ATF6: variants seen among roughly 807,000 people sequenced by gnomAD.
The protein encoded by ATF6 is activating transcription factor 6.
ATF6 carries 53 observed loss-of-function variants against 83.6 expected under a neutral mutation model. The ratio of observed to expected loss-of-function variants is 0.63; its 90% confidence interval spans 0.51 to 0.80. The LOEUF (loss-of-function observed/expected upper bound fraction) is 0.80, where lower values mean the gene tolerates loss of function less well. Among genes scored for constraint, ATF6 ranks in the 30% least tolerant of loss-of-function variants. The probability of loss-of-function intolerance (pLI) is 0.00; values close to 1 mark genes in which losing one functional copy is unlikely to be tolerated. For missense variants in ATF6, 744 were observed against 797.9 expected (o/e 0.93, Z 0.81); for synonymous variants, 288 against 285.8 (o/e 1.01, Z -0.08).
At position 161,853,318 on chromosome 1, in the gene ATF6, C is replaced by T. The variant is rs773184007; in HGVS notation, c.1528C>T (p.Leu510Phe). 2 of 1,610,430 alleles carry T rather than the reference C, an allele frequency of 1.2e-6. No homozygotes were observed. The highest frequency in any genetic ancestry group is 1.1e-5 in the South Asian group (1 of 90,858). The part of the protein sequence containing the change: ...MTNNQQKTRI[L>F]QGALEQGSNS... ...AAATAATCAACAGAAAACCCGTATT[C>T]TTCAGGTATGTTTCTGTTTGTCTTT... The change falls in exon 12 of 16, where the codon CTT becomes TTT. Residue 510 changes from leucine to phenylalanine, a missense_variant. Leu to Phe is a conservative substitution (Grantham distance 22). Transcript: ENST00000367942.
At chr1:161,836,759 C>T (rs780695380) in intron 9 of ATF6, among the ~76,000 whole-genome samples, 1 of 152,152 alleles carries the variant, frequency 6.6e-6, no homozygotes, top group Admixed American at 6.5e-5. Flanking sequence ...AAGGAGCATC[C>T]TAGTGGCTTT....
Position 161,811,173 on chromosome 1 carries a change from C to T in ATF6, c.910-8460C>T, listed in dbSNP as rs575491424. On this transcript the variant is annotated intron_variant, in intron 7 of 15. Coordinates refer to ENST00000367942, the MANE Select transcript of ATF6 (RefSeq NM_007348.4). The stretch of plus-strand genomic sequence containing the variant: ...TTCAACCATCAATGGACAATATATA[C>T]GAATAGATAATTCACGAAGAAGAGT... Among the ~76,000 whole-genome samples, 5 of 152,210 alleles carry T rather than the reference C, an allele frequency of 3.3e-5. No individual in the cohort carries two copies. In the East Asian group the frequency reaches 7.7e-4, roughly 23 times the overall value.
intron 14 of ATF6, among the ~76,000 whole-genome samples, chr1:161,882,936 A>G (rs565780741): frequency 8.5e-5 from 13 of 152,064 alleles, no homozygotes; most frequent in Non-Finnish European, 1.6e-4. Flanking sequence ...TTGACCTTGG[A>G]AGCATATGGG....
At chr1:161,906,920 C>A (rs537210354) in intron 14 of ATF6, among the ~76,000 whole-genome samples, 1 of 152,104 alleles carries the variant, frequency 6.6e-6, no homozygotes, top group Non-Finnish European at 1.5e-5. Flanking sequence ...TGCTGAGAAG[C>A]CCTGTATCGT....
intron 14 of ATF6, among the ~76,000 whole-genome samples, chr1:161,878,270 C>T (rs1221610425): frequency 6.6e-6 from 1 of 152,052 alleles, no homozygotes; most frequent in Non-Finnish European, 1.5e-5. Context: ...TTTGCCACCA[C>T]ACCTGACTAA....
chr1:161,770,687 G>A (rs1481856695), intron 1 of ATF6, among the ~76,000 whole-genome samples: 2 of 152,204 alleles, frequency 1.3e-5, no homozygotes, highest in Non-Finnish European at 2.9e-5. Flanking sequence ...GGAGGACACA[G>A]TTTAGGCCAT....
chr1:161,778,118 G>A (rs1331384370), intron 1 of ATF6, 126 bp from the exon 2 acceptor site: 3 of 632,810 alleles, frequency 4.7e-6, no homozygotes, highest in Non-Finnish European at 8.2e-6. Context: ...CACATTACTG[G>A]AGTTTATCAA....
intron 7 of ATF6, among the ~76,000 whole-genome samples, chr1:161,806,947 T>A (rs1441389670): frequency 6.6e-6 from 1 of 152,170 alleles, no homozygotes; most frequent in Non-Finnish European, 1.5e-5. Context: ...TGGGCCTAGA[T>A]GGATGCCCTG....
intron 7 of ATF6, among the ~76,000 whole-genome samples, chr1:161,803,534 G>T (rs188142467): frequency 6.6e-6 from 1 of 152,194 alleles, no homozygotes; most frequent in African/African-American, 2.4e-5. Context: ...TACATAGCGT[G>T]TGTTTCAGTT....
chr1:161,880,542 A>T (rs1214784234), intron 14 of ATF6, among the ~76,000 whole-genome samples: 1 of 152,084 alleles, frequency 6.6e-6, no homozygotes, highest in Non-Finnish European at 1.5e-5. Context: ...GATCTTAATT[A>T]TATATATTTT....
intron 14 of ATF6, among the ~76,000 whole-genome samples, chr1:161,881,511 T>C (rs1687326907): frequency 6.6e-6 from 1 of 152,092 alleles, no homozygotes; most frequent in South Asian, 2.1e-4. Flanking sequence ...TTTATTATGA[T>C]TAACAAAGGA....
chr1:161,883,670 G>A (rs1687363307), intron 14 of ATF6, among the ~76,000 whole-genome samples: 1 of 151,892 alleles, frequency 6.6e-6, no homozygotes, highest in South Asian at 2.1e-4. Flanking sequence ...AGTCTTTAGT[G>A]TTATCTTAGA....
chr1:161,854,852 C>T (rs1274389300), intron 12 of ATF6, among the ~76,000 whole-genome samples: 1 of 150,698 alleles, frequency 6.6e-6, no homozygotes, highest in Non-Finnish European at 1.5e-5. Context: ...GGTGACAAAG[C>T]GAGACTCCGT....
chr1:161,807,698 G>T (rs186092064), intron 7 of ATF6, among the ~76,000 whole-genome samples: 22 of 152,078 alleles, frequency 1.4e-4, no homozygotes, highest in Admixed American at 1.4e-3. Context: ...ATCTTGAATA[G>T]CAGTTCAGTT....
intron 9 of ATF6, among the ~76,000 whole-genome samples, chr1:161,830,749 A>C (rs555075992): frequency 8.2e-4 from 125 of 152,386 alleles, no homozygotes; most frequent in Admixed American, 2.8e-3. Context: ...AGCCATATGT[A>C]GAAAGCTGAA....
chr1:161,849,076 G>A (rs553372748), intron 10 of ATF6, among the ~76,000 whole-genome samples: 4 of 152,064 alleles, frequency 2.6e-5, no homozygotes, highest in Admixed American at 2.0e-4. Flanking sequence ...TACAGTGTTT[G>A]TATTTTTCTA....
intron 14 of ATF6, among the ~76,000 whole-genome samples, chr1:161,872,209 C>A (rs12022688): frequency 0.14 from 21,536 of 151,350 alleles, 2,094 homozygotes; most frequent in East Asian, 0.32. Flanking sequence ...AGAAAAAGTC[C>A]GCTGTAGAAA....
chr1:161,778,422 C>A, intron 2 of ATF6, 102 bp downstream of exon 2: 2 of 828,914 alleles, frequency 2.4e-6, no homozygotes, highest in Non-Finnish European at 3.9e-6. Context: ...ATTTAAGTTA[C>A]ATACTTAATG....
chr1:161,831,191 A>G (rs1212952704), intron 9 of ATF6, among the ~76,000 whole-genome samples: 1 of 152,268 alleles, frequency 6.6e-6, no homozygotes, highest in Non-Finnish European at 1.5e-5. Flanking sequence ...GACACATGAA[A>G]AAATGCTCAT....
Sources: gnomAD v4.1 joint callset for allele counts (sites outside exome capture counted in the v4.1 genomes callset) on GRCh38, gnomAD v4.1.1 for gene constraint, MANE v1.5 for transcripts, NCBI Gene and HGNC (gene_info 2026-07-23, HGNC 2026-07-21) for gene names.